Variants in NTM observed in about 807,000 individuals in gnomAD.
NTM encodes the protein IgLON family member 2.
In NTM, 13 loss-of-function variants were observed where a neutral mutation model predicts 42.1. The ratio of observed to expected loss-of-function variants is 0.31; its 90% confidence interval spans 0.20 to 0.49. The LOEUF is 0.49. NTM is among the 20% of genes least tolerant of loss of function. The pLI is 0.99. For synonymous variants in NTM, 187 were observed against 179.2 expected (o/e 1.04, Z -0.35); for missense variants, 373 against 452.8 (o/e 0.82, Z 1.60).
rs570967797 is a variant in NTM, at chr11:131,436,020, C to CT, written c.82+65137dup. ...AAGGGCTGTTCAATTTTGTCAAAGG[C>CT]TTTTTCTGCATCTATTGAGATAATC... On this transcript the variant is annotated intron_variant, in intron 1 of 8. Coordinates refer to ENST00000683400, the MANE Select transcript of NTM (RefSeq NM_001352005.2). 6.1e-3 allele frequency among the ~76,000 whole-genome samples: 936 copies of CT among 152,234 alleles called. 4 individuals carry two copies. Among genetic ancestry groups the CT allele is most frequent in the Non-Finnish European group, 9.7e-3 (661 of 68,022 alleles).
At chr11:132,288,421 AC>A (rs767290159) in intron 4 of NTM, among the ~76,000 whole-genome samples, 14 of 152,216 alleles carry the variant, frequency 9.2e-5, no homozygotes, top group Non-Finnish European at 2.1e-4. Flanking sequence ...GGTATACCAT[AC>A]ACTCTTAGCT....
chr11:132,093,154 T>A (rs1450873766), intron 2 of NTM, among the ~76,000 whole-genome samples: 1 of 152,222 alleles, frequency 6.6e-6, no homozygotes, highest in Admixed American at 6.5e-5. Flanking sequence ...ATGTCTTACA[T>A]GTTTCATTTC....
chr11:132,155,833 G>A (rs940051652), intron 3 of NTM, among the ~76,000 whole-genome samples: 4 of 152,158 alleles, frequency 2.6e-5, no homozygotes, highest in African/African-American at 9.7e-5. Flanking sequence ...GGTTGGAATG[G>A]ATACAAAGAT....
chr11:132,320,935 G>A (rs1406659947), intron 7 of NTM, among the ~76,000 whole-genome samples: 2 of 151,044 alleles, frequency 1.3e-5, no homozygotes, highest in African/African-American at 4.9e-5. Context: ...TCACACTGCA[G>A]GGTACTCCAA....
intron 1 of NTM, among the ~76,000 whole-genome samples, chr11:131,422,073 C>T (rs1431502714): frequency 6.6e-6 from 1 of 152,134 alleles, no homozygotes; most frequent in Non-Finnish European, 1.5e-5. Context: ...TTGTCCACAA[C>T]GTAGTTAACT....
intron 1 of NTM, among the ~76,000 whole-genome samples, chr11:131,744,011 T>C (rs1426665264): frequency 1.3e-5 from 2 of 152,220 alleles, no homozygotes; most frequent in African/African-American, 4.8e-5. Context: ...CCATTTATGC[T>C]AGAAACTCTT....
chr11:132,046,214 G>A (rs1390803038), intron 2 of NTM, among the ~76,000 whole-genome samples: 1 of 152,176 alleles, frequency 6.6e-6, no homozygotes, highest in Non-Finnish European at 1.5e-5. Context: ...GACTGGACCA[G>A]TGTGTGCACA....
intron 3 of NTM, among the ~76,000 whole-genome samples, chr11:132,181,459 C>A (rs2077567096): frequency 6.6e-6 from 1 of 152,214 alleles, no homozygotes; most frequent in African/African-American, 2.4e-5. Flanking sequence ...ACAACTTGAG[C>A]TCAGTGTATT....
chr11:131,794,970 A>C (rs2136179825), intron 1 of NTM: 1 of 985,050 alleles, frequency 1.0e-6, no homozygotes, highest in East Asian at 1.1e-4. Context: ...GCCTCTCCTC[A>C]CTGGAGGGGC....
At chr11:131,628,192 G>C (rs1186071848) in intron 1 of NTM, among the ~76,000 whole-genome samples, 1 of 152,140 alleles carries the variant, frequency 6.6e-6, no homozygotes, top group East Asian at 1.9e-4. Context: ...GATGTGAGGA[G>C]ACAATCTCCC....
intron 1 of NTM, among the ~76,000 whole-genome samples, chr11:131,886,243 C>T (rs2050370072): frequency 2.0e-5 from 3 of 152,162 alleles, no homozygotes; most frequent in South Asian, 2.1e-4. Flanking sequence ...TAATGGTTCA[C>T]GCCATGAAAA....
chr11:131,506,570 G>T (rs1234946436), intron 1 of NTM, among the ~76,000 whole-genome samples: 1 of 152,168 alleles, frequency 6.6e-6, no homozygotes, highest in Non-Finnish European at 1.5e-5. Context: ...CTGGCAGCCT[G>T]GGGGGCCCTC....
At chr11:132,042,236 A>C (rs1326523969) in intron 2 of NTM, among the ~76,000 whole-genome samples, 1 of 152,166 alleles carries the variant, frequency 6.6e-6, no homozygotes, top group Non-Finnish European at 1.5e-5. Flanking sequence ...ATAGATGCCA[A>C]ATAGCAGCCC....
chr11:132,325,125 C>G (rs1266521388), intron 7 of NTM, among the ~76,000 whole-genome samples: 1 of 152,080 alleles, frequency 6.6e-6, no homozygotes, highest in Non-Finnish European at 1.5e-5. Context: ...GACTTCATGT[C>G]TAAAACACCA....
At chr11:132,256,378 G>A (rs2092470628) in intron 4 of NTM, among the ~76,000 whole-genome samples, 1 of 152,246 alleles carries the variant, frequency 6.6e-6, no homozygotes, top group Non-Finnish European at 1.5e-5. Context: ...GGGGCAGCAT[G>A]CCAGGAATGT....
chr11:132,184,340 T>C (rs2078065142), intron 3 of NTM, among the ~76,000 whole-genome samples: 2 of 152,218 alleles, frequency 1.3e-5, no homozygotes, highest in Admixed American at 1.3e-4. Flanking sequence ...AGTTCCTCTC[T>C]CAGCTCATCC....
At chr11:132,282,564 CAT>C (rs2094016347) in intron 4 of NTM, among the ~76,000 whole-genome samples, 1 of 152,140 alleles carries the variant, frequency 6.6e-6, no homozygotes, top group Admixed American at 6.5e-5. Context: ...TTGAAAAGCT[CAT>C]GTTTTCCAAA....
At chr11:132,101,999 A>G (rs1051719898) in intron 2 of NTM, among the ~76,000 whole-genome samples, 1 of 152,140 alleles carries the variant, frequency 6.6e-6, no homozygotes, top group African/African-American at 2.4e-5. Flanking sequence ...TACAGGTCAC[A>G]CTGCTGGAAG....
intron 4 of NTM, chr11:132,285,176 GCT>G (rs902201900): frequency 6.6e-6 from 1 of 152,560 alleles, no homozygotes; most frequent in Non-Finnish European, 1.5e-5. Context: ...CCTCAGTAGT[GCT>G]CTCTCAGCCC....
Sources: allele counts gnomAD v4.1 joint callset (sites outside exome capture counted in the v4.1 genomes callset), GRCh38; gene constraint gnomAD v4.1.1; transcripts MANE v1.5; gene names NCBI Gene and HGNC (gene_info 2026-07-23, HGNC 2026-07-21).